The following SWT1 variants were observed in gnomAD, a reference collection of about 807,000 sequenced individuals.
The protein encoded by SWT1 is transcriptional protein SWT1.
SWT1 carries 33 observed loss-of-function variants against 107.3 expected under a neutral mutation model. The ratio of observed to expected loss-of-function variants is 0.31; its 90% CI spans 0.23 to 0.41. The LOEUF is 0.41. Ranked by LOEUF, SWT1 falls within the 10% of genes least tolerant of loss-of-function variation. The probability of loss-of-function intolerance (pLI) is 1.00; values close to 1 mark genes in which losing one functional copy is unlikely to be tolerated. For synonymous variants in SWT1, 345 were observed against 348.3 expected (o/e 0.99, Z 0.11); for missense variants, 898 against 1,028.9 (o/e 0.87, Z 1.74).
intron 16 of SWT1, among the ~76,000 whole-genome samples, chr1:185,267,916 G>T (rs1182317556): frequency 6.6e-6 from 1 of 152,150 alleles, no homozygotes; most frequent in African/African-American, 2.4e-5. Flanking sequence ...TTTGTGTGGG[G>T]AATTACTAAG....
chr1:185,170,552 C>A (rs1288850041), intron 4 of SWT1, among the ~76,000 whole-genome samples: 2 of 152,158 alleles, frequency 1.3e-5, no homozygotes, highest in African/African-American at 4.8e-5. Context: ...CACAAAGGGC[C>A]CCTAACTCTG....
At chr1:185,176,222 A>G (rs1346971720) in intron 5 of SWT1, among the ~76,000 whole-genome samples, 1 of 148,242 alleles carries the variant, frequency 6.7e-6, no homozygotes, top group Non-Finnish European at 1.5e-5. Context: ...CAGGAGCTCA[A>G]GGTTATGGTG....
chr1:185,261,074 A>G (rs1436191787), intron 16 of SWT1, among the ~76,000 whole-genome samples: 2 of 152,140 alleles, frequency 1.3e-5, no homozygotes, highest in African/African-American at 2.4e-5. Context: ...GTTTAGTGGC[A>G]TTGAGAACAT....
In SWT1 at chr1:185,253,583, T is replaced by TTGTC. The variant is rs1461775441; in HGVS notation, c.2442-17737_2442-17736insCTGT. 8.7e-3 allele frequency among the ~76,000 whole-genome samples: 1,237 copies of TTGTC among 142,222 alleles called. 10 individuals carry two copies. The highest frequency in any genetic ancestry group is 0.049 in the East Asian group (193 of 3,950). The allele number at this position is 142,222 out of a possible 152,430, so 93.3% of individuals were successfully genotyped here. ...GTTCACTCATGATTTGGCTCTCTGT[T>TTGTC]TGTTGTTGGTGTATAAGAATGCTTG... On this transcript the variant is annotated intron_variant, in intron 16 of 18. Coordinates refer to ENST00000367500, the MANE Select transcript of SWT1 (RefSeq NM_017673.7).
At chr1:185,216,744 C>T (rs927186414) in intron 14 of SWT1, among the ~76,000 whole-genome samples, 4 of 151,904 alleles carry the variant, frequency 2.6e-5, no homozygotes, top group African/African-American at 7.2e-5. Flanking sequence ...CTAAGGGCAG[C>T]AGTTCAGGAC....
intron 18 of SWT1, chr1:185,281,672 G>T: frequency 5.7e-6 from 1 of 174,060 alleles, no homozygotes. Context: ...GCCCTGCACA[G>T]CCTCATCAAC....
intron 14 of SWT1, among the ~76,000 whole-genome samples, chr1:185,216,375 C>T (rs1017202360): frequency 2.0e-5 from 3 of 152,058 alleles, no homozygotes; most frequent in African/African-American, 7.2e-5. Flanking sequence ...CCTTTCCCGT[C>T]ACAAAATTGA....
intron 5 of SWT1, among the ~76,000 whole-genome samples, chr1:185,178,411 A>G (rs1193249531): frequency 6.6e-6 from 1 of 152,224 alleles, no homozygotes; most frequent in South Asian, 2.1e-4. Flanking sequence ...CCACTGAACC[A>G]CAGTCAGGGA....
At chr1:185,210,067 G>A (rs1658657164) in intron 13 of SWT1, among the ~76,000 whole-genome samples, 1 of 151,888 alleles carries the variant, frequency 6.6e-6, no homozygotes, top group African/African-American at 2.4e-5. Flanking sequence ...CTTTTTGATG[G>A]GGTTGTTTTT....
At chr1:185,281,788 G>C (rs1340557788) in intron 18 of SWT1, 1 of 153,898 alleles carries the variant, frequency 6.5e-6, no homozygotes, top group Non-Finnish European at 1.5e-5. Context: ...AACATAAACA[G>C]TGATGAAAGA....
chr1:185,206,070 T>G (rs1391461773), intron 12 of SWT1, among the ~76,000 whole-genome samples: 1 of 152,144 alleles, frequency 6.6e-6, no homozygotes, highest in African/African-American at 2.4e-5. Context: ...GCTATTCTCC[T>G]GTCTCAACCT....
At chr1:185,212,521 A>G (rs1658900001) in intron 13 of SWT1, among the ~76,000 whole-genome samples, 1 of 152,174 alleles carries the variant, frequency 6.6e-6, no homozygotes, top group Non-Finnish European at 1.5e-5. Context: ...TTTGATCTCG[A>G]AGAATCTGAT....
chr1:185,256,730 C>T (rs2102674460), intron 16 of SWT1, among the ~76,000 whole-genome samples: 1 of 151,542 alleles, frequency 6.6e-6, no homozygotes, highest in East Asian at 1.9e-4. Context: ...GTTTGAATGT[C>T]CTCCCGTAGC....
Position 185,220,688 on chromosome 1 carries a change from T to C in SWT1, c.2122-1161T>C, listed in dbSNP as rs147367239. ...TCAACATATACCTAAAAAACAAACA[T>C]ATTCTGTTCATCCAAAGAGGATTCT... On this transcript the variant is annotated intron_variant, in intron 14 of 18. Coordinates refer to ENST00000367500, the MANE Select transcript of SWT1 (RefSeq NM_017673.7). Among the ~76,000 whole-genome samples, 488 of 152,298 alleles carry C rather than the reference T, an allele frequency of 3.2e-3. 4 individuals carry two copies. Among genetic ancestry groups the C allele is most frequent in the African/African-American group, 0.011 (472 of 41,564 alleles).
chr1:185,160,800 A>G, intron 1 of SWT1, 33 bp from the exon 2 acceptor site: 1 of 1,519,308 alleles, frequency 6.6e-7, no homozygotes, highest in Non-Finnish European at 9.0e-7. Flanking sequence ...TTGAGTGCAA[A>G]AACAAATCCT....
intron 18 of SWT1, among the ~76,000 whole-genome samples, chr1:185,290,191 C>A (rs1002090150): frequency 2.6e-5 from 4 of 152,076 alleles, no homozygotes; most frequent in African/African-American, 9.7e-5. Context: ...GTTAGAGGAT[C>A]ACTTGAGCCC....
intron 15 of SWT1, chr1:185,227,611 G>A: frequency 3.9e-6 from 2 of 518,964 alleles, no homozygotes; most frequent in Non-Finnish European, 7.2e-6. Flanking sequence ...TCCAAGTATA[G>A]TAATCATTTT....
intron 16 of SWT1, among the ~76,000 whole-genome samples, chr1:185,232,598 G>A (rs962502850): frequency 1.3e-4 from 20 of 152,196 alleles, no homozygotes; most frequent in African/African-American, 4.6e-4. Context: ...GGGAGGAAGG[G>A]TTGGCAAAAG....
intron 9 of SWT1, among the ~76,000 whole-genome samples, chr1:185,187,982 C>A (rs1656641313): frequency 6.6e-6 from 1 of 152,124 alleles, no homozygotes; most frequent in Non-Finnish European, 1.5e-5. Flanking sequence ...TGTGAGCCAC[C>A]GCGCCTTGCC....
Sources: allele counts gnomAD v4.1 joint callset (sites outside exome capture counted in the v4.1 genomes callset), GRCh38; gene constraint gnomAD v4.1.1; transcripts MANE v1.5; gene names NCBI Gene and HGNC (gene_info 2026-07-23, HGNC 2026-07-21).